HTR3B: variants seen among roughly 807,000 people sequenced by gnomAD.
The protein encoded by HTR3B is 5-hydroxytryptamine receptor 3B, also known as 5-hydroxytryptamine (serotonin) receptor 3B, ionotropic.
A neutral mutation model predicts 42.8 loss-of-function variants in HTR3B; 44 were observed. The ratio of observed to expected loss-of-function variants is 1.03; its 90% confidence interval spans 0.81 to 1.32. The LOEUF is 1.32. HTR3B is among the 40% of genes most tolerant of loss of function. HTR3B has a pLI of 0.00. For missense variants in HTR3B, 527 were observed against 536.5 expected (o/e 0.98, Z 0.17); for synonymous variants, 203 against 209.0 (o/e 0.97, Z 0.25).
At chr11:113,908,997 TTC>T in intron 1 of HTR3B, 1 of 520,802 alleles carries the variant, frequency 1.9e-6, no homozygotes, top group Non-Finnish European at 3.3e-6. Flanking sequence ...AAAGAAATTA[TTC>T]TGTCTCCAAA....
At chr11:113,939,782 G>C (rs901499758) in intron 6 of HTR3B, among the ~76,000 whole-genome samples, 1 of 152,076 alleles carries the variant, frequency 6.6e-6, no homozygotes, top group African/African-American at 2.4e-5. Flanking sequence ...TTTTGAAAAA[G>C]GAGGAAATCA....
Position 113,946,195 on chromosome 11 carries a change from A to G in HTR3B, c.*58A>G. ...ACTTAGGAGAGAGAGGAGGGGGAAT[A>G]ATAGTGGGTTAAAAAGCTTTCTGGG... On this transcript the variant is annotated 3_prime_UTR_variant, in exon 9 of 9. Coordinates refer to ENST00000260191, the MANE Select transcript of HTR3B (RefSeq NM_006028.5). The G allele has an allele frequency of 7.2e-7, 1 of 1,389,652 alleles. No homozygotes were observed. The highest frequency in any genetic ancestry group is 1.0e-6 in the Non-Finnish European group (1 of 984,786). The allele number at this position is 1,389,652 out of a possible 1,614,324, so 86.1% of individuals were successfully genotyped here. A position where few individuals can be genotyped will look rare whatever the true frequency, so the allele number is the denominator to read the frequency against.
intron 2 of HTR3B, among the ~76,000 whole-genome samples, chr11:113,917,149 T>C (rs1241481199): frequency 1.3e-5 from 2 of 151,846 alleles, no homozygotes; most frequent in African/African-American, 4.8e-5. Flanking sequence ...TTTTTTTTTT[T>C]GAGATGAAGT....
chr11:113,901,512 A>C (rs1565553357), upstream of HTR3B, among the ~76,000 whole-genome samples: 1 of 152,196 alleles, frequency 6.6e-6, no homozygotes, highest in Non-Finnish European at 1.5e-5. Flanking sequence ...AGATTAGAAA[A>C]AGAAAGATCT....
At chr11:113,933,328 C>T (rs1319955396) in intron 6 of HTR3B, among the ~76,000 whole-genome samples, 1 of 152,158 alleles carries the variant, frequency 6.6e-6, no homozygotes, top group Non-Finnish European at 1.5e-5. Flanking sequence ...GGTATTCAGA[C>T]ACCAGAGGCC....
At position 113,906,178 on chromosome 11, in the gene HTR3B, C is replaced by T. The variant is rs146808632; in HGVS notation, c.52+1193C>T. On this transcript the variant is annotated intron_variant, in intron 1 of 8. Coordinates refer to ENST00000260191, the MANE Select transcript of HTR3B (RefSeq NM_006028.5). ...ACCAGTGCTTTACCATAAATCATTC[C>T]GTGGATACTTGTTGCAGAAAGACCT... Among the ~76,000 whole-genome samples, 558 of 152,210 alleles carry T rather than the reference C, an allele frequency of 3.7e-3. 7 individuals carry two copies. Among genetic ancestry groups the T allele is most frequent in the African/African-American group, 0.012 (495 of 41,520 alleles).
upstream of HTR3B, among the ~76,000 whole-genome samples, chr11:113,903,810 A>G (rs1169880962): frequency 6.6e-6 from 1 of 152,120 alleles, no homozygotes; most frequent in Admixed American, 6.5e-5. Context: ...GTCAACACCA[A>G]ATGGTTATCT....
chr11:113,933,378 C>T (rs931906774), intron 6 of HTR3B, among the ~76,000 whole-genome samples: 2 of 152,226 alleles, frequency 1.3e-5, no homozygotes, highest in East Asian at 1.9e-4. Context: ...AATCTTTCCA[C>T]ACACACTTAC....
intron 6 of HTR3B, among the ~76,000 whole-genome samples, chr11:113,941,861 A>C (rs573657625): frequency 2.5e-4 from 38 of 152,128 alleles, no homozygotes; most frequent in Non-Finnish European, 1.9e-4. Context: ...TTCAGGCCTA[A>C]GGGTGGTAAC....
At chr11:113,932,894 C>T in intron 5 of HTR3B, 42 bp from the exon 6 acceptor site, 1 of 1,597,482 alleles carries the variant, frequency 6.3e-7, no homozygotes, top group Non-Finnish European at 8.5e-7. Context: ...ATGTTGGCAT[C>T]TCTTTCTCTC....
intron 6 of HTR3B, among the ~76,000 whole-genome samples, chr11:113,933,502 A>C (rs1950058728): frequency 6.6e-6 from 1 of 152,150 alleles, no homozygotes; most frequent in Non-Finnish European, 1.5e-5. Context: ...TTTATTGAGT[A>C]AATTATCAAC....
chr11:113,945,751 C>T (rs527942876), intron 8 of HTR3B, 151 bp from the exon 9 acceptor site: 23 of 624,742 alleles, frequency 3.7e-5, no homozygotes, highest in Admixed American at 1.4e-4. Flanking sequence ...CTCGCCTAAT[C>T]GGGTGGGGAG....
chr11:113,913,487 G>T (rs955194783), intron 2 of HTR3B, among the ~76,000 whole-genome samples: 2 of 147,954 alleles, frequency 1.4e-5, no homozygotes, highest in Non-Finnish European at 3.0e-5. Context: ...CTGGGATTAC[G>T]GGTGTGAGCC....
At chr11:113,920,060 C>T (rs1949898109) in intron 2 of HTR3B, among the ~76,000 whole-genome samples, 2 of 151,850 alleles carry the variant, frequency 1.3e-5, no homozygotes, top group Non-Finnish European at 2.9e-5. Context: ...TGGAGTTTCA[C>T]TCTTGTTGCC....
At chr11:113,908,183 T>A (rs1025562037) in intron 1 of HTR3B, among the ~76,000 whole-genome samples, 1 of 152,202 alleles carries the variant, frequency 6.6e-6, no homozygotes, top group African/African-American at 2.4e-5. Flanking sequence ...GCATTGTTGT[T>A]AGCGTTTTGG....
intron 6 of HTR3B, among the ~76,000 whole-genome samples, chr11:113,933,814 A>ATGG: frequency 6.6e-6 from 1 of 152,336 alleles, no homozygotes; most frequent in Middle Eastern, 3.4e-3. Flanking sequence ...GTTTTGACAC[A>ATGG]TGGTCTGCAA....
chr11:113,925,412 A>T (rs1949959465), intron 2 of HTR3B, among the ~76,000 whole-genome samples: 2 of 147,804 alleles, frequency 1.4e-5, no homozygotes, highest in Non-Finnish European at 3.0e-5. Context: ...ATGTTTTACG[A>T]ATTTGTTTTT....
chr11:113,899,484 C>G, the HTR3B span, among the ~76,000 whole-genome samples: 1 of 152,164 alleles, frequency 6.6e-6, no homozygotes, highest in Non-Finnish European at 1.5e-5. Context: ...GTACATCTGT[C>G]AAAATTCCTG....
intron 2 of HTR3B, among the ~76,000 whole-genome samples, chr11:113,924,671 C>T (rs891100698): frequency 2.1e-5 from 3 of 142,980 alleles, no homozygotes; most frequent in Non-Finnish European, 4.5e-5. Context: ...GACACCTAAT[C>T]TCGAGCTCTC....
Sources: allele counts gnomAD v4.1 joint callset (sites outside exome capture counted in the v4.1 genomes callset), GRCh38; gene constraint gnomAD v4.1.1; transcripts MANE v1.5; gene names NCBI Gene and HGNC (gene_info 2026-07-23, HGNC 2026-07-21).